The following PEDS1 variants were observed in gnomAD, a reference collection of about 807,000 sequenced individuals.
The protein encoded by PEDS1 is CarF homolog.
PEDS1 carries 14 observed loss-of-function variants against 35.2 expected under a neutral mutation model. The observed-to-expected ratio is 0.40, with a 90% confidence interval of 0.26 to 0.62. PEDS1 has a LOEUF of 0.62. Ranked by LOEUF, PEDS1 falls within the 20% of genes least tolerant of loss-of-function variation. The pLI, the probability that PEDS1 is intolerant of heterozygous loss-of-function variation, is 0.44. For synonymous variants in PEDS1, 152 were observed against 152.0 expected (o/e 1.00, Z 0.00); for missense variants, 260 against 367.8 (o/e 0.71, Z 2.40).
intron 2 of PEDS1, among the ~76,000 whole-genome samples, chr20:50,139,764 C>T (rs1196796116): frequency 1.3e-5 from 2 of 151,308 alleles, no homozygotes; most frequent in African/African-American, 4.9e-5. Flanking sequence ...ACTGCAACCT[C>T]TGCCTCCCGT....
intron 2 of PEDS1, among the ~76,000 whole-genome samples, chr20:50,138,537 C>T (rs759386119): frequency 1.3e-5 from 2 of 152,254 alleles, no homozygotes; most frequent in African/African-American, 2.4e-5. Context: ...TCAGTCTTGC[C>T]ATCTGTCCAA....
At chr20:50,130,118 T>G (rs959832791) in intron 3 of PEDS1, among the ~76,000 whole-genome samples, 1 of 152,134 alleles carries the variant, frequency 6.6e-6, no homozygotes, top group Non-Finnish European at 1.5e-5. Context: ...CGCCCCGGGC[T>G]GAGAAAGAAC....
intron 2 of PEDS1, among the ~76,000 whole-genome samples, chr20:50,138,890 G>C (rs570280207): frequency 1.3e-5 from 2 of 152,198 alleles, no homozygotes; most frequent in East Asian, 1.9e-4. Flanking sequence ...CCTGACTCAC[G>C]GGGGAACTTG....
chr20:50,126,221 T>C (rs1033359441), intron 5 of PEDS1, among the ~76,000 whole-genome samples: 1 of 152,162 alleles, frequency 6.6e-6, no homozygotes, highest in African/African-American at 2.4e-5. Flanking sequence ...GCTGAATAAA[T>C]ATTGCTCACA....
intron 1 of PEDS1, among the ~76,000 whole-genome samples, chr20:50,151,684 C>T (rs2081405583): frequency 6.6e-6 from 1 of 152,134 alleles, no homozygotes; most frequent in Non-Finnish European, 1.5e-5. Flanking sequence ...ACAGTGAAAC[C>T]CCATCTCTAC....
At chr20:50,150,475 C>T (rs2081391393) in intron 1 of PEDS1, among the ~76,000 whole-genome samples, 1 of 152,142 alleles carries the variant, frequency 6.6e-6, no homozygotes, top group African/African-American at 2.4e-5. Flanking sequence ...GGCTCCCTCC[C>T]TCCAGTCCTT....
rs1251099904 is a variant in PEDS1 at position 50,123,511 on chromosome 20, C to G, written c.*1547G>C. On this transcript the variant is annotated 3_prime_UTR_variant, in exon 6 of 6. Transcript: ENST00000371652. Reference sequence around the variant, plus strand: ...GAACTCCTGACCTCAGGTGATCTGTCCGCCTCAGCCTCCCAAAGTGCTGGG... The same window carrying G: ...GAACTCCTGACCTCAGGTGATCTGTGCGCCTCAGCCTCCCAAAGTGCTGGG... 6.6e-6 allele frequency: 1 copy of G among 152,398 alleles called. No individual in the cohort carries two copies. Among genetic ancestry groups the G allele is most frequent in the African/African-American group, 2.4e-5 (1 of 41,460 alleles). 9.4% of individuals were successfully genotyped at this position (152,398 alleles called of 1,614,324 possible).
intron 2 of PEDS1, among the ~76,000 whole-genome samples, chr20:50,136,980 G>A (rs1452046687): frequency 6.0e-5 from 9 of 149,652 alleles, no homozygotes; most frequent in Non-Finnish European, 7.4e-5. Context: ...CCAGTGAGTC[G>A]TGATCGAGTC....
intron 1 of PEDS1, among the ~76,000 whole-genome samples, chr20:50,152,251 C>G (rs2081412123): frequency 6.6e-6 from 1 of 152,166 alleles, no homozygotes; most frequent in African/African-American, 2.4e-5. Context: ...GGCCATGCCG[C>G]CTTTTAAGGA....
Position 50,128,706 on chromosome 20 carries a change from G to A in PEDS1, c.479-519C>T, listed in dbSNP as rs566351071. Reference sequence around the variant, plus strand: ...GCAGAGCAAAGATGGGGTGGGTGGCGTCCTGTCTCAGTCTGTTCCTGCAAG... The same window carrying A: ...GCAGAGCAAAGATGGGGTGGGTGGCATCCTGTCTCAGTCTGTTCCTGCAAG... On this transcript the variant is annotated intron_variant, in intron 4 of 5. Transcript: ENST00000371652. This position sits in a 1 kb window ranked among gnomAD's most constrained non-coding sequence, Gnocchi z 5.2. Among the ~76,000 whole-genome samples the A allele has an allele frequency of 4.6e-5, 7 of 152,314 alleles. No homozygotes were observed. The highest frequency in any genetic ancestry group is 1.9e-4 in the East Asian group (1 of 5,172).
At chr20:50,153,447 C>A in intron 1 of PEDS1, 70 bp downstream of exon 1, 1 of 1,253,732 alleles carries the variant, frequency 8.0e-7, no homozygotes, top group Non-Finnish European at 1.0e-6. Context: ...GGTTGGGACT[C>A]CAGTCTGGGG....
chr20:50,125,172 G>C lies in PEDS1; in HGVS notation c.699C>G (p.Leu233=). The C allele has an allele frequency of 6.2e-7, 1 of 1,613,898 alleles. No homozygotes were observed. ...ETYFCITTGW[L]NYPLEKIGFW... ...AGCCTATCTTCTCCAGAGGGTAGTT[G>C]AGCCAGCCTGCAGTAGAAATGGCAG... Residue 233 remains leucine, a synonymous_variant, in exon 6 of 6, where the codon CTC becomes CTG. Coordinates refer to ENST00000371652, the MANE Select transcript of PEDS1 (RefSeq NM_199129.4).
chr20:50,127,936 G>A, intron 5 of PEDS1, 39 bp downstream of exon 5: 1 of 1,599,904 alleles, frequency 6.3e-7, no homozygotes, highest in South Asian at 1.1e-5. Context: ...GCAGTGGCTG[G>A]GGTGGGGAAA....
rs1181410577 is a variant in PEDS1 at position 50,123,941 on chromosome 20, ATTACT to A, written c.*1112_*1116del. The A allele has an allele frequency of 6.6e-6, 1 of 152,276 alleles. No homozygotes were observed. The highest frequency in any genetic ancestry group is 1.5e-5 in the Non-Finnish European group (1 of 68,070). The allele number at this position is 152,276 out of a possible 1,614,324, so 9.4% of individuals were successfully genotyped here. On this transcript the variant is annotated 3_prime_UTR_variant, in exon 6 of 6. Transcript: ENST00000371652. Reference sequence around the variant, plus strand: ...AAGTCACAAATAGGGATCAGCCATCATTACTTTATCATCATGATCAACAGGAAAGA... The same window carrying A: ...AAGTCACAAATAGGGATCAGCCATCATTATCATCATGATCAACAGGAAAGA...
At chr20:50,146,926 C>T (rs1437468024) in intron 1 of PEDS1, among the ~76,000 whole-genome samples, 1 of 152,174 alleles carries the variant, frequency 6.6e-6, no homozygotes, top group East Asian at 1.9e-4. Flanking sequence ...GCAAGGCCTT[C>T]CCCTTTCTGA....
At chr20:50,153,171 T>G (rs1601239404) in intron 1 of PEDS1, among the ~76,000 whole-genome samples, 3 of 132,850 alleles carry the variant, frequency 2.3e-5, no homozygotes, top group African/African-American at 2.9e-5. Context: ...CCTGGGGGGA[T>G]GAGGGGGTGG....
Position 50,127,845 on chromosome 20 carries a change from T to A in PEDS1, c.691+130A>T, listed in dbSNP as rs564182996. On this transcript the variant is annotated intron_variant, in intron 5 of 5. Transcript: ENST00000371652. ...ACACAGTAGGTGCTCAATAAATGCA[T>A]GACCTGAGAGACTGTTCCCAGAGGG... 1.4e-3 allele frequency: 1,817 copies of A among 1,301,836 alleles called. 2 individuals are homozygous for A. Among genetic ancestry groups the A allele is most frequent in the Non-Finnish European group, 1.8e-3 (1,653 of 941,478 alleles). The allele number at this position is 1,301,836 out of a possible 1,614,324, so 80.6% of individuals were successfully genotyped here.
In PEDS1 at chr20:50,128,179, C is replaced by T. The variant is rs746152559; in HGVS notation, c.487G>A (p.Glu163Lys). ...KFRTHSPEAL[E>K]QLYPWECFVF... The stretch of plus-strand genomic sequence containing the variant: ...AAGCACTCCCAGGGGTATAGCTGCT[C>T]CAGGGCTTCTGCAGGTTGGGGAGAG... Residue 163 changes from glutamate (E) to lysine (K), a missense_variant, in exon 5 of 6, where the codon GAG becomes AAG. By Grantham distance (56) the Glu-to-Lys change is moderately conservative (BLOSUM62 1). Coordinates refer to ENST00000371652, the MANE Select transcript of PEDS1 (RefSeq NM_199129.4). This position sits in a 1 kb window ranked among gnomAD's most constrained non-coding sequence, Gnocchi z 5.2. 1.2e-6 allele frequency: 2 copies of T among 1,613,904 alleles called. No individual in the cohort carries two copies. The highest frequency in any genetic ancestry group is 1.3e-5 in the African/African-American group (1 of 74,884).
chr20:50,147,862 G>C (rs1157567087), intron 1 of PEDS1, among the ~76,000 whole-genome samples: 2 of 150,780 alleles, frequency 1.3e-5, no homozygotes, highest in Non-Finnish European at 2.9e-5. Flanking sequence ...AGATCAGCCT[G>C]GCTAACATGA....
Sources: gnomAD v4.1 joint callset for allele counts (sites outside exome capture counted in the v4.1 genomes callset) on GRCh38, gnomAD v4.1.1 for gene constraint, Gnocchi (gnomAD v3.1) non-coding constraint, MANE v1.5 for transcripts, NCBI Gene and HGNC (gene_info 2026-07-23, HGNC 2026-07-21) for gene names.